Variants in ZNF804A observed in about 807,000 individuals in gnomAD.
ZNF804A encodes the protein zinc finger protein 804A.
ZNF804A carries 2 observed loss-of-function variants against 16.5 expected under a neutral mutation model. That is an observed-to-expected ratio of 0.12 (90% CI 0.05 to 0.38). The LOEUF is 0.38. Among genes scored for constraint, ZNF804A ranks in the 10% least tolerant of loss-of-function variants. ZNF804A has a pLI of 0.99. For missense variants in ZNF804A, 1,473 were observed against 1,390.7 expected (o/e 1.06, Z -0.94); for synonymous variants, 534 against 489.6 (o/e 1.09, Z -1.20).
intron 1 of ZNF804A, among the ~76,000 whole-genome samples, chr2:184,695,111 T>C (rs1413892889): frequency 1.3e-5 from 2 of 152,158 alleles, no homozygotes; most frequent in African/African-American, 4.8e-5. Context: ...TGGAAATACC[T>C]TAGTTTATAA....
intron 1 of ZNF804A, among the ~76,000 whole-genome samples, chr2:184,676,388 T>C (rs930392262): frequency 1.8e-4 from 28 of 151,508 alleles, no homozygotes; most frequent in African/African-American, 6.5e-4. Context: ...CACATATGCA[T>C]ACACACACAC....
intron 1 of ZNF804A, among the ~76,000 whole-genome samples, chr2:184,753,751 A>T (rs1465137569): frequency 6.6e-6 from 1 of 151,832 alleles, no homozygotes; most frequent in African/African-American, 2.4e-5. Context: ...AAAAAATCAG[A>T]AGATTTCTAA....
chr2:184,629,164 G>A (rs1398961066), intron 1 of ZNF804A, among the ~76,000 whole-genome samples: 1 of 152,042 alleles, frequency 6.6e-6, no homozygotes, highest in Admixed American at 6.6e-5. Flanking sequence ...TATATTCATA[G>A]TATATTCCTT....
intron 3 of ZNF804A, 112 bp from the exon 4 acceptor site, chr2:184,935,671 G>A (rs1167442570): frequency 1.6e-6 from 2 of 1,273,786 alleles, no homozygotes; most frequent in Non-Finnish European, 2.1e-6. Flanking sequence ...CTGTCACAAA[G>A]ATTTTAAAAT....
intron 1 of ZNF804A, among the ~76,000 whole-genome samples, chr2:184,832,332 T>C (rs1455134362): frequency 6.6e-6 from 1 of 152,058 alleles, no homozygotes; most frequent in Admixed American, 6.6e-5. Context: ...GAACTTAGTT[T>C]GGAAAAATGT....
At position 184,936,244 on chromosome 2, in the gene ZNF804A, C is replaced by T; in HGVS notation, c.848C>T (p.Ala283Val). 1.9e-6 allele frequency: 3 copies of T among 1,613,978 alleles called. No homozygotes were observed. The highest frequency in any genetic ancestry group is 2.5e-6 in the Non-Finnish European group (3 of 1,179,950). ...EKTNSFHPPE[A>V]MCRDKETVQT... ...ACTAACTCTTTTCATCCACCAGAGGCAATGTGCAGAGACAAAGAAACTGTT... is the reference window on the plus strand; with the variant it reads ...ACTAACTCTTTTCATCCACCAGAGGTAATGTGCAGAGACAAAGAAACTGTT... The change falls in exon 4 of 4, where the codon GCA becomes GTA. Residue 283 changes from alanine to valine, a missense_variant. Transcript: ENST00000302277.
In ZNF804A at chr2:184,622,549, T is replaced by C. The variant is rs565693983; in HGVS notation, c.111+23479T>C. ...AATTGCCTACCACCTTCAATAGACT[T>C]TCATTCTATTGAAACCAATTTATGC... is the stretch of plus-strand genomic sequence containing the variant. On this transcript the variant is annotated intron_variant, in intron 1 of 3. Coordinates refer to ENST00000302277, the MANE Select transcript of ZNF804A (RefSeq NM_194250.2). 2.8e-4 allele frequency among the ~76,000 whole-genome samples: 43 copies of C among 151,956 alleles called. No individual in the cohort carries two copies. In the South Asian group the frequency reaches 8.1e-3, roughly 29 times the overall value.
intron 1 of ZNF804A, among the ~76,000 whole-genome samples, chr2:184,693,569 C>T (rs930658261): frequency 6.6e-6 from 1 of 152,046 alleles, no homozygotes; most frequent in African/African-American, 2.4e-5. Context: ...ACCTGTTTTC[C>T]CAGGAGGAAA....
chr2:184,930,562 C>T (rs1410152937), intron 2 of ZNF804A, among the ~76,000 whole-genome samples: 1 of 152,118 alleles, frequency 6.6e-6, no homozygotes, highest in Non-Finnish European at 1.5e-5. Context: ...TCATTTTAAG[C>T]TTAAACTATG....
At chr2:184,860,631 C>A (rs1445861116) in intron 1 of ZNF804A, among the ~76,000 whole-genome samples, 1 of 152,178 alleles carries the variant, frequency 6.6e-6, no homozygotes, top group Non-Finnish European at 1.5e-5. Context: ...AGCCTGATTT[C>A]TGCAACTATG....
chr2:184,699,806 G>A (rs560608594), intron 1 of ZNF804A, among the ~76,000 whole-genome samples: 1 of 152,184 alleles, frequency 6.6e-6, no homozygotes, highest in Non-Finnish European at 1.5e-5. Context: ...ATAGAATATA[G>A]ATTCTGTTGT....
intron 1 of ZNF804A, among the ~76,000 whole-genome samples, chr2:184,852,233 C>G (rs1695616273): frequency 7.6e-6 from 1 of 132,232 alleles, no homozygotes; most frequent in Admixed American, 7.2e-5. Flanking sequence ...GTCTCTTTCT[C>G]TCTCTCTCTC....
intron 1 of ZNF804A, among the ~76,000 whole-genome samples, chr2:184,758,491 T>C (rs139978770): frequency 8.7e-4 from 132 of 152,076 alleles, no homozygotes; most frequent in African/African-American, 3.0e-3. Context: ...TAAGGCATAG[T>C]TCCCAAGGTT....
chr2:184,849,264 A>T (rs1695567054), intron 1 of ZNF804A, among the ~76,000 whole-genome samples: 1 of 152,066 alleles, frequency 6.6e-6, no homozygotes, highest in South Asian at 2.1e-4. Context: ...GCAAGCTCCC[A>T]TACCATGAGT....
intron 1 of ZNF804A, among the ~76,000 whole-genome samples, chr2:184,729,838 A>G (rs1432770806): frequency 6.6e-6 from 1 of 152,106 alleles, no homozygotes; most frequent in Admixed American, 6.5e-5. Flanking sequence ...GGCACACTGA[A>G]CTATTCAAAA....
chr2:184,867,407 AT>A (rs1360619707), intron 2 of ZNF804A, among the ~76,000 whole-genome samples: 1 of 152,122 alleles, frequency 6.6e-6, no homozygotes, highest in Non-Finnish European at 1.5e-5. Flanking sequence ...TATCAGAGTT[AT>A]TTATTGTAAG....
intron 2 of ZNF804A, among the ~76,000 whole-genome samples, chr2:184,895,454 C>T (rs989088150): frequency 6.6e-6 from 1 of 152,022 alleles, no homozygotes; most frequent in Admixed American, 6.6e-5. Flanking sequence ...AATACTGAAT[C>T]GTTAATAAAA....
chr2:184,649,719 C>G (rs1471444147), intron 1 of ZNF804A, among the ~76,000 whole-genome samples: 1 of 151,076 alleles, frequency 6.6e-6, no homozygotes, highest in Non-Finnish European at 1.5e-5. Context: ...CACAGTCTCC[C>G]AAGACAGGAA....
At chr2:184,701,692 G>C (rs1314372038) in intron 1 of ZNF804A, among the ~76,000 whole-genome samples, 1 of 151,730 alleles carries the variant, frequency 6.6e-6, no homozygotes, top group African/African-American at 2.4e-5. Flanking sequence ...TCTCCAGGTT[G>C]ATATCATAAA....
Sources: allele counts gnomAD v4.1 joint callset (sites outside exome capture counted in the v4.1 genomes callset), GRCh38; gene constraint gnomAD v4.1.1; transcripts MANE v1.5; gene names NCBI Gene and HGNC (gene_info 2026-07-23, HGNC 2026-07-21).